PDE4B: variants seen among roughly 807,000 people sequenced by gnomAD.
PDE4B encodes 3',5'-cyclic-AMP phosphodiesterase 4B.
PDE4B carries 20 observed loss-of-function variants against 82.2 expected under a neutral mutation model. That is an observed-to-expected ratio of 0.24 (90% CI 0.17 to 0.35). The LOEUF is 0.35. Among genes scored for constraint, PDE4B ranks in the 10% least tolerant of loss-of-function variants. PDE4B has a pLI of 1.00. For missense variants in PDE4B, 655 were observed against 907.2 expected, an observed-to-expected ratio of 0.72 and a Z score of 3.57; for synonymous variants, 320 against 318.9, an observed-to-expected ratio of 1.00 and a Z score of -0.04.
intron 3 of PDE4B, among the ~76,000 whole-genome samples, chr1:65,968,437 G>A (rs1220084782): frequency 2.6e-5 from 4 of 152,058 alleles, no homozygotes; most frequent in African/African-American, 9.7e-5. Flanking sequence ...ACAGTCCCTG[G>A]CCTTGGGGTC....
At chr1:65,887,268 C>CTTCT (rs796069053) in intron 1 of PDE4B, among the ~76,000 whole-genome samples, 88,283 of 93,512 alleles carry the variant, frequency 0.94, 42,110 homozygotes, top group Admixed American at 0.96. Context: ...TCTTTCCTTC[C>CTTCT]TTCTTTCTTT....
chr1:66,207,185 G>T (rs992621353), intron 3 of PDE4B, among the ~76,000 whole-genome samples: 1 of 152,078 alleles, frequency 6.6e-6, no homozygotes, highest in Non-Finnish European at 1.5e-5. Context: ...AGAGTAACTT[G>T]TTTATACTCA....
At chr1:65,988,494 T>C (rs554650510) in intron 3 of PDE4B, among the ~76,000 whole-genome samples, 4 of 152,280 alleles carry the variant, frequency 2.6e-5, no homozygotes, top group Non-Finnish European at 5.9e-5. Context: ...AGGGATCTTG[T>C]ATAGCTTTAC....
At chr1:65,819,504 GTT>G (rs35338207) in intron 1 of PDE4B, among the ~76,000 whole-genome samples, 1 of 114,172 alleles carries the variant, frequency 8.8e-6, no homozygotes. Context: ...TTTTTGTTTT[GTT>G]TTTTTTTTTT....
intron 7 of PDE4B, among the ~76,000 whole-genome samples, chr1:66,290,974 T>C (rs557866027): frequency 1.3e-5 from 2 of 152,248 alleles, no homozygotes; most frequent in African/African-American, 4.8e-5. Context: ...CCTCACAGCT[T>C]TCCAGGTTCC....
chr1:66,064,721 G>A (rs1655755447), intron 3 of PDE4B, among the ~76,000 whole-genome samples: 1 of 151,930 alleles, frequency 6.6e-6, no homozygotes, highest in South Asian at 2.1e-4. Flanking sequence ...CTTGGACACT[G>A]CACTTTGCTT....
intron 9 of PDE4B, among the ~76,000 whole-genome samples, chr1:66,359,057 T>G (rs1248187951): frequency 1.3e-5 from 2 of 152,202 alleles, no homozygotes; most frequent in Non-Finnish European, 2.9e-5. Flanking sequence ...AAGCAGGACC[T>G]AGGGAGAAGG....
Position 66,203,676 on chromosome 1 carries a change from C to T in PDE4B, c.282-43784C>T, listed in dbSNP as rs538286969. Among the ~76,000 whole-genome samples the T allele has an allele frequency of 1.2e-4, 19 of 152,230 alleles. 1 individual carries two copies. The South Asian group carries it at 3.1e-3, about 25-fold the overall frequency. On this transcript the variant is annotated intron_variant, in intron 3 of 16. Coordinates refer to ENST00000341517, the MANE Select transcript of PDE4B (RefSeq NM_002600.4). ...GCTTCTGCATTCTTCATGTAGTTCT[C>T]GAGCCTTGGCTTTCAGCTCCATCAG...
At chr1:66,367,179 C>G (rs1284817738) in intron 13 of PDE4B, among the ~76,000 whole-genome samples, 1 of 152,088 alleles carries the variant, frequency 6.6e-6, no homozygotes, top group African/African-American at 2.4e-5. Context: ...TAATAGAAAG[C>G]TCTAAAAAGT....
intron 1 of PDE4B, among the ~76,000 whole-genome samples, chr1:65,796,364 G>T (rs370039024): frequency 1.4e-4 from 22 of 152,070 alleles, no homozygotes; most frequent in African/African-American, 5.1e-4. Flanking sequence ...ATGAAAGTTG[G>T]ATCTTTTGTT....
chr1:66,143,585 G>A (rs933266560), intron 3 of PDE4B, among the ~76,000 whole-genome samples: 9 of 152,154 alleles, frequency 5.9e-5, no homozygotes, highest in African/African-American at 2.2e-4. Context: ...ACACTGCTGG[G>A]CATACCTCCT....
intron 3 of PDE4B, among the ~76,000 whole-genome samples, chr1:66,155,202 T>A (rs973966537): frequency 6.6e-6 from 1 of 151,926 alleles, no homozygotes; most frequent in African/African-American, 2.4e-5. Context: ...TGGAGTCAGC[T>A]ATTTTCTGTT....
At chr1:66,332,268 C>T (rs1293428353) in intron 7 of PDE4B, 1 of 1,486,650 alleles carries the variant, frequency 6.7e-7, no homozygotes, top group African/African-American at 1.4e-5. Context: ...TGGTAGATCA[C>T]CGACACCTCA....
chr1:66,368,434 C>T (rs184140030), intron 15 of PDE4B, among the ~76,000 whole-genome samples: 24 of 152,348 alleles, frequency 1.6e-4, no homozygotes, highest in African/African-American at 5.8e-4. Flanking sequence ...CTCCTCTTTC[C>T]ACAAGTGGAA....
intron 3 of PDE4B, among the ~76,000 whole-genome samples, chr1:66,091,250 C>A (rs891943949): frequency 2.0e-5 from 3 of 152,026 alleles, no homozygotes; most frequent in African/African-American, 7.2e-5. Context: ...CTGCGGTGAT[C>A]TTCATCAAGA....
chr1:66,354,997 T>A, intron 8 of PDE4B: 2 of 1,097,234 alleles, frequency 1.8e-6, no homozygotes, highest in South Asian at 2.8e-5. Flanking sequence ...TTGATTTGTG[T>A]GTTCATTTAA....
chr1:66,205,713 G>A (rs556058481), intron 3 of PDE4B, among the ~76,000 whole-genome samples: 9 of 152,286 alleles, frequency 5.9e-5, no homozygotes, highest in South Asian at 2.1e-4. Context: ...TGTGAAAGAT[G>A]GCATTATAAT....
intron 3 of PDE4B, among the ~76,000 whole-genome samples, chr1:66,215,234 A>G (rs776932183): frequency 6.6e-6 from 1 of 152,182 alleles, no homozygotes; most frequent in African/African-American, 2.4e-5. Flanking sequence ...GCATTAGCCA[A>G]TGCTAGCAAA....
chr1:66,238,086 G>T (rs747677042), intron 3 of PDE4B, among the ~76,000 whole-genome samples: 2 of 152,190 alleles, frequency 1.3e-5, no homozygotes, highest in South Asian at 4.1e-4. Context: ...TAAAGAATGA[G>T]AAGAAGGCAG....
Sources: allele counts gnomAD v4.1 joint callset (sites outside exome capture counted in the v4.1 genomes callset), GRCh38; gene constraint gnomAD v4.1.1; transcripts MANE v1.5; gene names NCBI Gene and HGNC (gene_info 2026-07-23, HGNC 2026-07-21).